ABTB1: variants seen among roughly 807,000 people sequenced by gnomAD.
The protein encoded by ABTB1 is ankyrin repeat and BTB domain containing 1.
In ABTB1, 45 loss-of-function variants were observed where a neutral mutation model predicts 57.1. That is an observed-to-expected ratio of 0.79 (90% CI 0.62 to 1.01). ABTB1 has a LOEUF of 1.01. ABTB1 is among the 50% of genes least tolerant of loss of function. ABTB1 has a pLI of 0.00. For missense variants in ABTB1, 630 were observed against 666.3 expected (o/e 0.95, Z 0.60); for synonymous variants, 302 against 275.4 (o/e 1.10, Z -0.95).
rs71329968 is a variant in ABTB1, at chr3:127,673,969, T to A, written c.57-422T>A. ...CCGCGACTCCTGCCTCCTAGAATTG[T>A]GTGCCCTCCACACCATCAGGAGGCC... is the stretch of plus-strand genomic sequence containing the variant. On this transcript the variant is annotated intron_variant, in intron 1 of 11. Coordinates refer to ENST00000232744, the MANE Select transcript of ABTB1 (RefSeq NM_172027.3). The A allele has an allele frequency of 3.0e-3, 749 of 247,236 alleles. 6 individuals carry two copies. Among genetic ancestry groups the A allele is most frequent in the South Asian group, 6.2e-3 (127 of 20,642 alleles). The allele number at this position is 247,236 out of a possible 1,614,324, so 15.3% of individuals were successfully genotyped here.
At chr3:127,678,084 C>T in intron 10 of ABTB1, 1 of 468,580 alleles carries the variant, frequency 2.1e-6, no homozygotes, top group Non-Finnish European at 3.8e-6. Flanking sequence ...CACTTGTCAG[C>T]CACTTGGGAT....
intron 10 of ABTB1, 121 bp downstream of exon 10, chr3:127,677,964 G>A (rs1415540679): frequency 3.1e-6 from 4 of 1,288,356 alleles, no homozygotes; most frequent in Non-Finnish European, 4.2e-6. Context: ...GACGTTTTGA[G>A]AAGGCTGGAG....
chr3:127,677,660 G>A lies in ABTB1; in HGVS notation c.862-16G>A, dbSNP rs1188526227. ...AGACCCTGGCCCTCACACTTCCTGAGCCCGGCCTCCCCCAGGCCTTTTTCT... is the reference window on the plus strand; with the variant it reads ...AGACCCTGGCCCTCACACTTCCTGAACCCGGCCTCCCCCAGGCCTTTTTCT... On this transcript the variant is annotated splice_polypyrimidine_tract_variant and intron_variant, in intron 9 of 11. Transcript: ENST00000232744. 6.2e-7 allele frequency: 1 copy of A among 1,611,584 alleles called. No homozygotes were observed. Among genetic ancestry groups the A allele is most frequent in the Admixed American group, 1.7e-5 (1 of 59,672 alleles).
chr3:127,678,091 G>A (rs2075030475), intron 10 of ABTB1: 1 of 438,804 alleles, frequency 2.3e-6, no homozygotes, highest in Non-Finnish European at 4.1e-6. Flanking sequence ...CAGCCACTTG[G>A]GATCCTCAGC....
Position 127,676,621 on chromosome 3 carries a change from C to A in ABTB1, c.526+40C>A, listed in dbSNP as rs756382306. The A allele has an allele frequency of 3.1e-6, 5 of 1,610,316 alleles. No individual in the cohort carries two copies. The East Asian group carries it at 8.9e-5, about 29-fold the overall frequency. Reference sequence around the variant, plus strand: ...CCAGGGTAGGAGGAGAGGGAGTGGGCCGTCCTTCTGGACAGCAGTACACCT... The same window carrying A: ...CCAGGGTAGGAGGAGAGGGAGTGGGACGTCCTTCTGGACAGCAGTACACCT... On this transcript the variant is annotated intron_variant, in intron 6 of 11. Transcript: ENST00000232744. This position sits in a 1 kb window ranked among gnomAD's most constrained non-coding sequence, Gnocchi z 5.4.
intron 8 of ABTB1, 68 bp downstream of exon 8, chr3:127,677,354 C>A (rs970670902): frequency 1.3e-6 from 2 of 1,549,706 alleles, no homozygotes; most frequent in African/African-American, 1.4e-5. Context: ...AGCCCAGATA[C>A]TTGGGCTCAA....
chr3:127,677,387 GT>G, intron 8 of ABTB1, 77 bp from the exon 9 acceptor site: 1 of 1,578,226 alleles, frequency 6.3e-7, no homozygotes, highest in Non-Finnish European at 8.7e-7. Flanking sequence ...TCCTGGACCA[GT>G]TACTTCCCTT....
Position 127,673,052 on chromosome 3 carries a change from C to T in ABTB1, c.27C>T (p.Ser9=), listed in dbSNP as rs908362896. MDTSDLFA[S]CRKGDVGRVR... is the part of the protein sequence containing the mutation. ...TGGACACCAGCGACCTGTTCGCCAG[C>T]TGCAGGAAGGGGGATGTGGGCCGAG... The change falls in exon 1 of 12, where the codon AGC becomes AGT. Residue 9 remains serine (S), a synonymous_variant. Transcript: ENST00000232744. The T allele has an allele frequency of 1.3e-6, 2 of 1,576,784 alleles. No homozygotes were observed. The highest frequency in any genetic ancestry group is 2.8e-5 in the African/African-American group (2 of 72,116).
At position 127,675,981 on chromosome 3, in the gene ABTB1, G is replaced by A. The variant is rs774201357; in HGVS notation, c.187G>A (p.Glu63Lys). 39 of 1,606,566 alleles carry A rather than the reference G, an allele frequency of 2.4e-5. No homozygotes were observed. The highest frequency in any genetic ancestry group is 2.4e-4 in the African/African-American group (18 of 74,792). Residue 63 changes from glutamate (E) to lysine (K), a missense_variant, in exon 4 of 12, where the codon GAG becomes AAG. Coordinates refer to ENST00000232744, the MANE Select transcript of ABTB1 (RefSeq NM_172027.3). ...CCTGCCTCCCCCAGGAGCCCGCTGC[G>A]AGGCCAACACCTTCGATGGTGAGCG... Reference protein sequence around the residue: ...LYLLANGARCEANTFDGERCL... With the variant: ...LYLLANGARCKANTFDGERCL...
In ABTB1 at chr3:127,680,426, G is replaced by A. The variant is rs199613465; in HGVS notation, c.1388G>A (p.Arg463His). The A allele has an allele frequency of 5.1e-4, 816 of 1,606,780 alleles. 1 individual carries two copies. Among genetic ancestry groups the A allele is most frequent in the Non-Finnish European group, 6.7e-4 (785 of 1,177,586 alleles). The change falls in exon 12 of 12, where the codon CGT (arginine) becomes CAT (histidine). Residue 463 changes from arginine to histidine, a missense_variant. Arg to His is a conservative substitution (Grantham distance 29). Around this residue, in one of 3 missense-constraint regions of ABTB1, gnomAD observed 43 missense variants for 56.1 expected, o/e 0.77. Transcript: ENST00000232744. ...AGCGCCATAGAGGAGGCGCAGCAGC[G>A]TCTGCGGGCACTCGAGGACCTGCTC... ...TYSAIEEAQQ[R>H]LRALEDLLVS...
At position 127,680,591 on chromosome 3, in the gene ABTB1, C is replaced by G. The variant is rs553776105; in HGVS notation, c.*116C>G. 32 of 1,303,784 alleles carry G rather than the reference C, an allele frequency of 2.5e-5. No homozygotes were observed. In the South Asian group the frequency reaches 2.6e-4, roughly 11 times the overall value. 80.8% of individuals were successfully genotyped at this position (1,303,784 alleles called of 1,614,324 possible). A position where few individuals can be genotyped will look rare whatever the true frequency, so the allele number is the denominator to read the frequency against. ...CACATTGAGGGCTTCATGGGGGGTG[C>G]GAGGGGCTCAGTGGGGCTTCTCTTC... On this transcript the variant is annotated 3_prime_UTR_variant, in exon 12 of 12. Transcript: ENST00000232744.
In ABTB1 at chr3:127,680,408, T is replaced by C. The variant is rs538636270; in HGVS notation, c.1370T>C (p.Ile457Thr). 6.1e-5 allele frequency: 98 copies of C among 1,607,930 alleles called. 1 individual carries two copies. In the South Asian group the frequency reaches 9.9e-4, roughly 16 times the overall value. Residue 457 changes from isoleucine to threonine, a missense_variant, in exon 12 of 12, where the codon ATA becomes ACA. By Grantham distance (89) the Ile-to-Thr change is moderately conservative. Around this residue, in one of 3 missense-constraint regions of ABTB1, gnomAD observed 43 missense variants for 56.1 expected, o/e 0.77. Coordinates refer to ENST00000232744, the MANE Select transcript of ABTB1 (RefSeq NM_172027.3). The part of the protein sequence containing the change: ...VASTVQTYSA[I>T]EEAQQRLRAL... ...AGCACGGTGCAGACCTACAGCGCCA[T>C]AGAGGAGGCGCAGCAGCGTCTGCGG...
Position 127,676,793 on chromosome 3 carries a change from C to A in ABTB1, c.527-174C>A. The A allele has an allele frequency of 1.2e-6, 1 of 824,946 alleles. No individual in the cohort carries two copies. The highest frequency in any genetic ancestry group is 1.9e-6 in the Non-Finnish European group (1 of 531,208). 51.1% of individuals were successfully genotyped at this position (824,946 alleles called of 1,614,324 possible). A position where few individuals can be genotyped will look rare whatever the true frequency, so the allele number is the denominator to read the frequency against. On this transcript the variant is annotated intron_variant, in intron 6 of 11. Transcript: ENST00000232744. This position sits in a 1 kb window ranked among gnomAD's most constrained non-coding sequence, Gnocchi z 5.4. The stretch of plus-strand genomic sequence containing the variant: ...TCCCACCCACATGCTGAGGCCCTCC[C>A]ATCTGTTCCCTGGGGCCTGTAGAAC...
chr3:127,674,521 C>T (rs1559884384), intron 2 of ABTB1, 24 bp from the exon 3 acceptor site: 1 of 1,614,152 alleles, frequency 6.2e-7, no homozygotes, highest in Admixed American at 1.7e-5. Flanking sequence ...AGGACTGCCT[C>T]CTGTACTTCC....
At chr3:127,679,899 A>T in intron 10 of ABTB1, 86 bp from the exon 11 acceptor site, 1 of 1,406,900 alleles carries the variant, frequency 7.1e-7, no homozygotes, top group Non-Finnish European at 9.9e-7. Context: ...GTGCCCCCCA[A>T]CCACCACAGG....
At chr3:127,673,150 C>CGGGCGGCT (rs2074887025) in intron 1 of ABTB1, 69 bp downstream of exon 1, 2 of 1,396,060 alleles carry the variant, frequency 1.4e-6, no homozygotes, top group Admixed American at 6.3e-5. Context: ...GGCCCTGGGA[C>CGGGCGGCT]GGGCGGCTGG....
chr3:127,680,216 G>A (rs1191412317), intron 11 of ABTB1, 31 bp downstream of exon 11: 3 of 1,613,258 alleles, frequency 1.9e-6, no homozygotes, highest in Non-Finnish European at 2.5e-6. Flanking sequence ...GGGTGGGAAG[G>A]AGGGGTGAGA....
At chr3:127,674,370 T>A in intron 1 of ABTB1, 21 bp from the exon 2 acceptor site, 1 of 1,599,334 alleles carries the variant, frequency 6.3e-7, no homozygotes, top group Non-Finnish European at 8.5e-7. Flanking sequence ...TGACCCAGGC[T>A]CTGACCTCCT....
At chr3:127,679,332 C>CGTGGCTTGT in intron 10 of ABTB1, 1 of 346,614 alleles carries the variant, frequency 2.9e-6, no homozygotes, top group Non-Finnish European at 5.8e-6. Flanking sequence ...GCACATGGCA[C>CGTGGCTTGT]ATGGCTTGTA....
Sources: allele counts gnomAD v4.1 joint callset, GRCh38; gene constraint gnomAD v4.1.1; regional missense constraint gnomAD v4.1.1; non-coding constraint Gnocchi (gnomAD v3.1); transcripts MANE v1.5; gene names NCBI Gene and HGNC (gene_info 2026-07-23, HGNC 2026-07-21).